AKT3: variants seen among roughly 807,000 people sequenced by gnomAD.
AKT3 encodes AKT serine/threonine kinase 3, also known as RAC-gamma serine/threonine-protein kinase.
In AKT3, 15 loss-of-function variants were observed where a neutral mutation model predicts 65.3. The observed-to-expected ratio is 0.23, with a 90% CI of 0.15 to 0.35. The LOEUF (loss-of-function observed/expected upper bound fraction) is 0.35. Among genes scored for constraint, AKT3 ranks in the 10% least tolerant of loss-of-function variants. The pLI, the probability that AKT3 is intolerant of heterozygous loss-of-function variation, is 1.00. For synonymous variants in AKT3, 206 were observed against 183.8 expected (o/e 1.12, Z -0.98); for missense variants, 243 against 576.5 (o/e 0.42, Z 5.92).
chr1:243,510,222 TC>T (rs1423342682), intron 13 of AKT3, among the ~76,000 whole-genome samples: 2 of 152,066 alleles, frequency 1.3e-5, no homozygotes, highest in Non-Finnish European at 2.9e-5. Flanking sequence ...CTGGGTGTCC[TC>T]CCGGCTCTGA....
chr1:243,802,779 A>G (rs1037681417), intron 2 of AKT3, among the ~76,000 whole-genome samples: 2 of 152,204 alleles, frequency 1.3e-5, no homozygotes, highest in Non-Finnish European at 2.9e-5. Flanking sequence ...TTACCAAAAG[A>G]GTTAGGACTA....
At chr1:243,832,584 T>G (rs1005208618) in intron 2 of AKT3, among the ~76,000 whole-genome samples, 5 of 152,048 alleles carry the variant, frequency 3.3e-5, no homozygotes, top group African/African-American at 4.8e-5. Context: ...AGGCAGAAAT[T>G]GAAGGAAACT....
intron 2 of AKT3, among the ~76,000 whole-genome samples, chr1:243,722,522 C>A (rs1686974482): frequency 6.6e-6 from 1 of 152,110 alleles, no homozygotes; most frequent in Non-Finnish European, 1.5e-5. Context: ...TTCTAGTAAT[C>A]ATCACACCCC....
chr1:243,597,044 G>T (rs987614373), intron 8 of AKT3, among the ~76,000 whole-genome samples: 3 of 152,172 alleles, frequency 2.0e-5, no homozygotes, highest in Non-Finnish European at 4.4e-5. Flanking sequence ...GGCCACGTGT[G>T]GATGTACTAT....
intron 6 of AKT3, among the ~76,000 whole-genome samples, chr1:243,616,232 G>T (rs1476188619): frequency 1.5e-5 from 2 of 134,312 alleles, no homozygotes; most frequent in Admixed American, 8.6e-5. Flanking sequence ...ACTCCCCAAA[G>T]TCCACTGTAT....
chr1:243,550,712 G>A (rs1459132803), intron 11 of AKT3, among the ~76,000 whole-genome samples: 4 of 150,452 alleles, frequency 2.7e-5, no homozygotes, highest in East Asian at 2.0e-4. Context: ...TTGGAAAGCC[G>A]AGGGGGGTGG....
chr1:243,611,039 T>G (rs1303156461), intron 8 of AKT3, among the ~76,000 whole-genome samples: 1 of 152,204 alleles, frequency 6.6e-6, no homozygotes, highest in East Asian at 1.9e-4. Context: ...GATAAATTCT[T>G]AGAAATGAAA....
chr1:243,680,854 TA>T (rs1207124562), intron 3 of AKT3, among the ~76,000 whole-genome samples: 1 of 152,168 alleles, frequency 6.6e-6, no homozygotes, highest in Non-Finnish European at 1.5e-5. Flanking sequence ...GCTGTTTCCC[TA>T]AATGGAATTA....
Position 243,578,341 on chromosome 1 carries a change from T to C in AKT3, c.697-5293A>G, listed in dbSNP as rs1392295988. Among the ~76,000 whole-genome samples, 6 of 152,048 alleles carry C rather than the reference T, an allele frequency of 3.9e-5. No individual in the cohort carries two copies. The East Asian group carries it at 9.7e-4, about 24-fold the overall frequency. ...AATGTGGTACATATAACCCAAGAAA[T>C]ACTATGCGGCCATAAAAAGGAATGA... On this transcript the variant is annotated intron_variant, in intron 8 of 13. Coordinates refer to ENST00000673466, the MANE Select transcript of AKT3 (RefSeq NM_005465.7).
chr1:243,558,534 G>A (rs994100371), intron 10 of AKT3, among the ~76,000 whole-genome samples: 15 of 152,060 alleles, frequency 9.9e-5, no homozygotes, highest in Admixed American at 6.6e-4. Flanking sequence ...TTCAGCCACT[G>A]GAAAAACAAA....
chr1:243,845,762 A>C (rs1695494721), intron 1 of AKT3, among the ~76,000 whole-genome samples: 1 of 152,050 alleles, frequency 6.6e-6, no homozygotes, highest in East Asian at 1.9e-4. Flanking sequence ...TTAAATACCA[A>C]GAATCAGCTT....
intron 2 of AKT3, among the ~76,000 whole-genome samples, chr1:243,828,116 C>T (rs1269329532): frequency 2.0e-5 from 3 of 152,096 alleles, no homozygotes; most frequent in African/African-American, 7.2e-5. Context: ...AGTATCCCGA[C>T]TGTCTATATA....
intron 3 of AKT3, among the ~76,000 whole-genome samples, chr1:243,674,060 A>T (rs1302290298): frequency 6.6e-6 from 1 of 152,220 alleles, no homozygotes; most frequent in African/African-American, 2.4e-5. Flanking sequence ...TACTATGCCT[A>T]AACAGGGCTG....
At position 243,667,233 on chromosome 1, in the gene AKT3, C is replaced by T. The variant is rs112752910; in HGVS notation, c.173-2350G>A. On this transcript the variant is annotated intron_variant, in intron 3 of 13. Coordinates refer to ENST00000673466, the MANE Select transcript of AKT3 (RefSeq NM_005465.7). Reference sequence around the variant, plus strand: ...CTGTGTGCCCAATGCCTAAACCTCCCGGCTGCCCTAAGACAAGATTCTTCC... The same window carrying T: ...CTGTGTGCCCAATGCCTAAACCTCCTGGCTGCCCTAAGACAAGATTCTTCC... Among the ~76,000 whole-genome samples, 170 of 152,252 alleles carry T rather than the reference C, an allele frequency of 1.1e-3. 3 individuals are homozygous for T. Among genetic ancestry groups the T allele is most frequent in the Non-Finnish European group, 2.0e-3 (136 of 68,006 alleles).
chr1:243,847,489 A>G (rs1323504412), intron 1 of AKT3, among the ~76,000 whole-genome samples: 1 of 152,192 alleles, frequency 6.6e-6, no homozygotes, highest in East Asian at 1.9e-4. Context: ...AAACTTCTAC[A>G]AAATCAATTT....
intron 13 of AKT3, among the ~76,000 whole-genome samples, chr1:243,508,655 CTTTTTTTTTTT>C (rs369887012): frequency 1.8e-5 from 2 of 108,314 alleles, no homozygotes; most frequent in African/African-American, 4.9e-5. Context: ...AAAAGCCAGA[CTTTTTTTTTTT>C]TTTTTTTTTT....
chr1:243,761,219 AC>A (rs1689471301), intron 2 of AKT3, among the ~76,000 whole-genome samples: 1 of 152,204 alleles, frequency 6.6e-6, no homozygotes, highest in Non-Finnish European at 1.5e-5. Flanking sequence ...CAGAAGCCAA[AC>A]TTGAAATTTT....
At chr1:243,801,144 C>G (rs1692356695) in intron 2 of AKT3, among the ~76,000 whole-genome samples, 1 of 152,148 alleles carries the variant, frequency 6.6e-6, no homozygotes, top group South Asian at 2.1e-4. Context: ...AAATGAGCTA[C>G]TAGCTTTTTA....
At chr1:243,815,986 A>T (rs1693496986) in intron 2 of AKT3, among the ~76,000 whole-genome samples, 1 of 152,154 alleles carries the variant, frequency 6.6e-6, no homozygotes. Context: ...AGGTTTTATT[A>T]TACAGTTTCT....
Sources: gnomAD v4.1 joint callset for allele counts (sites outside exome capture counted in the v4.1 genomes callset) on GRCh38, gnomAD v4.1.1 for gene constraint, MANE v1.5 for transcripts, NCBI Gene and HGNC (gene_info 2026-07-23, HGNC 2026-07-21) for gene names.